Variants in LDLRAD4 observed in about 807,000 individuals in gnomAD.
LDLRAD4 encodes the protein low-density lipoprotein receptor class A domain-containing protein 4.
A neutral mutation model predicts 17.0 loss-of-function variants in LDLRAD4; 5 were observed. The ratio of observed to expected loss-of-function variants is 0.29; its 90% confidence interval spans 0.15 to 0.62. The LOEUF (loss-of-function observed/expected upper bound fraction) is 0.62. LDLRAD4 is among the 20% of genes least tolerant of loss of function. The pLI, the probability that LDLRAD4 is intolerant of heterozygous loss-of-function variation, is 0.84. For synonymous variants in LDLRAD4, 168 were observed against 171.8 expected (o/e 0.98, Z 0.17); for missense variants, 340 against 424.7 (o/e 0.80, Z 1.75).
intron 3 of LDLRAD4, among the ~76,000 whole-genome samples, chr18:13,512,966 C>T (rs944750938): frequency 2.6e-5 from 4 of 152,200 alleles, no homozygotes; most frequent in Admixed American, 6.5e-5. Flanking sequence ...GAGATTGTCT[C>T]TGAATTATCA....
intron 1 of LDLRAD4, among the ~76,000 whole-genome samples, chr18:13,256,396 G>A (rs61193217): frequency 0.095 from 14,409 of 152,236 alleles, 804 homozygotes; most frequent in East Asian, 0.17. Context: ...ATGGGCACAG[G>A]TTAGGAATGT....
intron 3 of LDLRAD4, chr18:13,471,752 G>C (rs964200112): frequency 2.6e-5 from 4 of 152,374 alleles, no homozygotes; most frequent in African/African-American, 9.7e-5. Flanking sequence ...GGATGGCCCC[G>C]TGGCTTCTGC....
chr18:13,455,696 C>T (rs1045733061), intron 3 of LDLRAD4, among the ~76,000 whole-genome samples: 5 of 152,188 alleles, frequency 3.3e-5, no homozygotes, highest in Non-Finnish European at 7.4e-5. Flanking sequence ...TGGCTTCCTC[C>T]TTCCACACAG....
At chr18:13,524,865 T>C (rs2094006199) in intron 3 of LDLRAD4, among the ~76,000 whole-genome samples, 1 of 152,254 alleles carries the variant, frequency 6.6e-6, no homozygotes, top group Non-Finnish European at 1.5e-5. Flanking sequence ...CTTGATCTTC[T>C]TGATCTTAAA....
intron 3 of LDLRAD4, among the ~76,000 whole-genome samples, chr18:13,535,641 T>C (rs2094192253): frequency 6.6e-6 from 1 of 152,232 alleles, no homozygotes; most frequent in Non-Finnish European, 1.5e-5. Context: ...TTTTCAAAGA[T>C]GAAGAGCTTT....
chr18:13,433,055 A>C (rs2090444685), intron 2 of LDLRAD4, among the ~76,000 whole-genome samples: 1 of 152,184 alleles, frequency 6.6e-6, no homozygotes, highest in African/African-American at 2.4e-5. Context: ...TACACCTTGC[A>C]GGGGAACAGG....
At chr18:13,272,494 C>G (rs2044619395) in intron 1 of LDLRAD4, among the ~76,000 whole-genome samples, 1 of 152,256 alleles carries the variant, frequency 6.6e-6, no homozygotes, top group African/African-American at 2.4e-5. Context: ...GAAGAACACT[C>G]AAACACAGCG....
At chr18:13,427,894 G>A (rs574231716) in intron 2 of LDLRAD4, among the ~76,000 whole-genome samples, 1 of 151,934 alleles carries the variant, frequency 6.6e-6, no homozygotes, top group African/African-American at 2.4e-5. Context: ...CTCAGCTAGA[G>A]AAAATTTTCT....
intron 1 of LDLRAD4, among the ~76,000 whole-genome samples, chr18:13,327,015 G>T (rs906196048): frequency 1.3e-5 from 2 of 152,016 alleles, no homozygotes; most frequent in Admixed American, 1.3e-4. Flanking sequence ...TCATCAATAC[G>T]CTACTTCCTT....
At chr18:13,361,194 C>T (rs1269954517) in intron 1 of LDLRAD4, among the ~76,000 whole-genome samples, 1 of 152,180 alleles carries the variant, frequency 6.6e-6, no homozygotes, top group Non-Finnish European at 1.5e-5. Context: ...TCTCCCACCT[C>T]AGCCTCCCGA....
intron 1 of LDLRAD4, among the ~76,000 whole-genome samples, chr18:13,322,753 G>A (rs1312497538): frequency 6.6e-6 from 1 of 151,216 alleles, no homozygotes; most frequent in Non-Finnish European, 1.5e-5. Context: ...CAGTAGCTGG[G>A]ACTACAGGTA....
intron 1 of LDLRAD4, among the ~76,000 whole-genome samples, chr18:13,226,471 C>A (rs1175100098): frequency 6.6e-6 from 1 of 151,694 alleles, no homozygotes; most frequent in African/African-American, 2.4e-5. Flanking sequence ...GGTGACTGCA[C>A]CCTTGTCAAT....
intron 2 of LDLRAD4, among the ~76,000 whole-genome samples, chr18:13,430,064 A>G (rs1167195878): frequency 6.6e-6 from 1 of 152,184 alleles, no homozygotes; most frequent in African/African-American, 2.4e-5. Flanking sequence ...GGGTGGATGC[A>G]TGAATGAATG....
chr18:13,275,666 C>A (rs946180701), upstream of LDLRAD4, among the ~76,000 whole-genome samples: 3 of 152,238 alleles, frequency 2.0e-5, no homozygotes, highest in South Asian at 6.2e-4. Context: ...AGGATGGATA[C>A]CCCATTCTGC....
At chr18:13,432,166 C>A (rs952276089) in intron 2 of LDLRAD4, among the ~76,000 whole-genome samples, 1 of 152,226 alleles carries the variant, frequency 6.6e-6, no homozygotes, top group Non-Finnish European at 1.5e-5. Context: ...ATCATCCCCA[C>A]GGCATTCCCA....
rs975318672 is a variant in LDLRAD4 at position 13,398,996 on chromosome 18, T to C, written c.40+11234T>C. ...GCTCACACCTATAACCCCAGCACTT[T>C]GGGCGGCCGAGGTAGGAGGATTGCT... On this transcript the variant is annotated intron_variant, in intron 2 of 5. Transcript: ENST00000359446. This position sits in a 1 kb window ranked among gnomAD's most constrained non-coding sequence, Gnocchi z 4.8. 2.0e-4 allele frequency among the ~76,000 whole-genome samples: 30 copies of C among 152,154 alleles called. No individual in the cohort carries two copies. The highest frequency in any genetic ancestry group is 7.2e-4 in the African/African-American group (30 of 41,454).
intron 3 of LDLRAD4, chr18:13,543,495 G>A (rs1396873879): frequency 6.6e-6 from 1 of 152,204 alleles, no homozygotes. Flanking sequence ...AGTCTAAAAG[G>A]TTTTAGAATC....
chr18:13,587,527 T>C (rs1038668310), intron 3 of LDLRAD4, among the ~76,000 whole-genome samples: 6 of 152,202 alleles, frequency 3.9e-5, no homozygotes, highest in African/African-American at 1.4e-4. Flanking sequence ...ACACTTCGTT[T>C]CATAGGGTGG....
intron 3 of LDLRAD4, among the ~76,000 whole-genome samples, chr18:13,486,000 T>TTTC (rs2093213808): frequency 1.3e-5 from 2 of 152,230 alleles, no homozygotes; most frequent in African/African-American, 4.8e-5. Context: ...AAGCGGGACT[T>TTTC]TTCCCTTCTC....
Sources: allele counts gnomAD v4.1 joint callset (sites outside exome capture counted in the v4.1 genomes callset), GRCh38; gene constraint gnomAD v4.1.1; non-coding constraint Gnocchi (gnomAD v3.1); transcripts MANE v1.5; gene names NCBI Gene and HGNC (gene_info 2026-07-23, HGNC 2026-07-21).